IGF2BP3: variants seen among roughly 807,000 people sequenced by gnomAD.
The protein encoded by IGF2BP3 is insulin like growth factor 2 mRNA binding protein 3, also known as insulin-like growth factor 2 mRNA-binding protein 3.
In IGF2BP3, 9 loss-of-function variants were observed where a neutral mutation model predicts 73.8. The ratio of observed to expected loss-of-function variants is 0.12; its 90% CI spans 0.07 to 0.21. The LOEUF (loss-of-function observed/expected upper bound fraction) is 0.21, where lower values mean the gene tolerates loss of function less well. Among genes scored for constraint, IGF2BP3 ranks in the 10% least tolerant of loss-of-function variants. The probability of loss-of-function intolerance (pLI) is 1.00; values close to 1 mark genes in which losing one functional copy is unlikely to be tolerated. For missense variants in IGF2BP3, 542 were observed against 714.0 expected, an observed-to-expected ratio of 0.76 and a Z score of 2.75; for synonymous variants, 258 against 256.7, an observed-to-expected ratio of 1.01 and a Z score of -0.05.
chr7:23,453,922 G>A (rs139270532), intron 2 of IGF2BP3, among the ~76,000 whole-genome samples: 1,972 of 152,250 alleles, frequency 0.013, 13 homozygotes, highest in South Asian at 0.031. Context: ...GCAAACCTGG[G>A]CTCAAGCCAT....
chr7:23,408,841 TAC>T (rs534494520), intron 3 of IGF2BP3, among the ~76,000 whole-genome samples: 2 of 152,240 alleles, frequency 1.3e-5, no homozygotes, highest in South Asian at 4.2e-4. Context: ...AAAGGTAGAA[TAC>T]ACAGACAGAG....
chr7:23,328,906 TGTA>T (rs995344659), intron 10 of IGF2BP3, among the ~76,000 whole-genome samples: 5 of 151,818 alleles, frequency 3.3e-5, no homozygotes, highest in African/African-American at 1.2e-4. Context: ...GTAAAAAAAA[TGTA>T]GTAAAAATTT....
chr7:23,462,137 T>C (rs35319316), intron 2 of IGF2BP3, among the ~76,000 whole-genome samples: 25,886 of 152,216 alleles, frequency 0.17, 2,525 homozygotes, highest in South Asian at 0.27. Context: ...GAGTGGCACA[T>C]GTGGATCAGA....
intron 13 of IGF2BP3, 75 bp downstream of exon 13, chr7:23,313,447 G>A (rs934385337): frequency 1.5e-5 from 23 of 1,502,226 alleles, no homozygotes; most frequent in Non-Finnish European, 1.8e-5. Context: ...CCAAAATTCG[G>A]GGACTTGGAA....
chr7:23,355,215 TTTTATTTTTA>T (rs368260672), intron 5 of IGF2BP3, among the ~76,000 whole-genome samples: 10,288 of 149,562 alleles, frequency 0.069, 623 homozygotes, highest in African/African-American at 0.18. Context: ...GGTTTTGTCT[TTTTATTTTTA>T]TTTTTTTTTT....
chr7:23,441,487 C>T (rs913882583), intron 2 of IGF2BP3, among the ~76,000 whole-genome samples: 10 of 146,468 alleles, frequency 6.8e-5, no homozygotes, highest in East Asian at 2.1e-4. Context: ...GCAGGAGAAT[C>T]GCTTGAACCC....
Position 23,312,421 on chromosome 7 carries a change from T to G in IGF2BP3, c.1681A>C (p.Lys561Gln), listed in dbSNP as rs1194433367. 6.2e-7 allele frequency: 1 copy of G among 1,613,936 alleles called. No homozygotes were observed. The highest frequency in any genetic ancestry group is 1.3e-5 in the African/African-American group (1 of 75,024). Reference sequence around the variant, plus strand: ...AGAGCCTTCTGTTGTTGGTGCTGCTTTACCTGAGTCAGAATTTCCTGAATT... The same window carrying G: ...AGAGCCTTCTGTTGTTGGTGCTGCTGTACCTGAGTCAGAATTTCCTGAATT... ...RKIQEILTQV[K>Q]QHQQQKALQS... is the part of the protein sequence containing the mutation. Residue 561 changes from lysine (K) to glutamine (Q), a missense_variant, in exon 15 of 15, where the codon AAG becomes CAG. Transcript: ENST00000258729.
At chr7:23,421,862 G>A (rs950676331) in intron 2 of IGF2BP3, among the ~76,000 whole-genome samples, 1 of 152,016 alleles carries the variant, frequency 6.6e-6, no homozygotes. Flanking sequence ...TTAGCTCACT[G>A]CAACCTCCGC....
chr7:23,465,543 G>T (rs972417690), intron 2 of IGF2BP3, among the ~76,000 whole-genome samples: 2 of 151,982 alleles, frequency 1.3e-5, no homozygotes, highest in Non-Finnish European at 2.9e-5. Context: ...AGCTCCACTG[G>T]AAGTCAAAGC....
intron 3 of IGF2BP3, among the ~76,000 whole-genome samples, chr7:23,413,034 AT>A (rs1787078327): frequency 6.7e-6 from 1 of 149,788 alleles, no homozygotes. Context: ...TAATTTCTGT[AT>A]TTTTAGTTAA....
Position 23,312,809 on chromosome 7 carries a change from C to T in IGF2BP3, c.1567G>A (p.Val523Ile), listed in dbSNP as rs1783868438. The T allele has an allele frequency of 6.2e-7, 1 of 1,612,528 alleles. No individual in the cohort carries two copies. The change falls in exon 14 of 15, where the codon GTC (valine) becomes ATC (isoleucine). Residue 523 changes from valine to isoleucine, a missense_variant. Val to Ile is a conservative substitution (Grantham distance 29). Around this residue, in one of 2 missense-constraint regions of IGF2BP3, gnomAD observed 303 missense variants for 472.1 expected, o/e 0.64. Coordinates refer to ENST00000258729, the MANE Select transcript of IGF2BP3 (RefSeq NM_006547.3). ...TCATCAGGTGTCTGGTCACGAGGGA[C>T]AACAACTTCTGCACTTGACAAATTC... ...LQNLSSAEVV[V>I]PRDQTPDEND...
chr7:23,362,273 G>GA (rs145541256), intron 3 of IGF2BP3, among the ~76,000 whole-genome samples: 46 of 147,566 alleles, frequency 3.1e-4, no homozygotes, highest in East Asian at 1.4e-3. Context: ...AATAAAAAGA[G>GA]AAAAAAAAAA....
rs145817844 is a variant in IGF2BP3 at position 23,449,080 on chromosome 7, A to C, written c.236+19402T>G. On this transcript the variant is annotated intron_variant, in intron 2 of 14. Coordinates refer to ENST00000258729, the MANE Select transcript of IGF2BP3 (RefSeq NM_006547.3). ...TTCTTCTTTTTGTTTAGAATTTGACATTTTTTCATTTGCTTATCTTCCTAT... is the reference window on the plus strand; with the variant it reads ...TTCTTCTTTTTGTTTAGAATTTGACCTTTTTTCATTTGCTTATCTTCCTAT... 3.3e-3 allele frequency among the ~76,000 whole-genome samples: 501 copies of C among 149,744 alleles called. 5 individuals are homozygous for C. The highest frequency in any genetic ancestry group is 0.012 in the African/African-American group (485 of 40,792).
At chr7:23,446,294 A>T (rs905795127) in intron 2 of IGF2BP3, among the ~76,000 whole-genome samples, 1 of 152,180 alleles carries the variant, frequency 6.6e-6, no homozygotes, top group African/African-American at 2.4e-5. Context: ...GTGGTGGCTC[A>T]TACCTTTATG....
chr7:23,442,788 CAATTTT>C (rs1303728216), intron 2 of IGF2BP3, among the ~76,000 whole-genome samples: 1 of 152,088 alleles, frequency 6.6e-6, no homozygotes, highest in Non-Finnish European at 1.5e-5. Context: ...GTTACAGTTT[CAATTTT>C]AATTTATAAA....
intron 1 of IGF2BP3, 106 bp from the exon 2 acceptor site, chr7:23,468,648 G>C: frequency 2.6e-6 from 3 of 1,153,742 alleles, no homozygotes; most frequent in African/African-American, 3.1e-5. Context: ...TGAGGCCCTC[G>C]AAGGGCCCCC....
intron 2 of IGF2BP3, among the ~76,000 whole-genome samples, chr7:23,441,072 T>A (rs566006155): frequency 3.3e-5 from 5 of 152,242 alleles, no homozygotes; most frequent in African/African-American, 9.6e-5. Flanking sequence ...GCAAATAATA[T>A]ACTTGAAGTA....
intron 10 of IGF2BP3, among the ~76,000 whole-genome samples, chr7:23,327,708 T>TG (rs1289458089): frequency 1.3e-5 from 2 of 152,204 alleles, no homozygotes; most frequent in East Asian, 3.8e-4. Context: ...ACAGTAACAC[T>TG]GGGCTCTGAC....
At chr7:23,378,170 G>T (rs902564293) in intron 3 of IGF2BP3, among the ~76,000 whole-genome samples, 6 of 152,074 alleles carry the variant, frequency 3.9e-5, no homozygotes, top group African/African-American at 1.4e-4. Context: ...ATACATGCAA[G>T]ACCCAACGAT....
Sources: allele counts gnomAD v4.1 joint callset (sites outside exome capture counted in the v4.1 genomes callset), GRCh38; gene constraint gnomAD v4.1.1; regional missense constraint gnomAD v4.1.1; transcripts MANE v1.5; gene names NCBI Gene and HGNC (gene_info 2026-07-23, HGNC 2026-07-21).